Variants in PCLO observed in about 807,000 individuals in gnomAD.
PCLO encodes piccolo presynaptic cytomatrix protein.
In PCLO, 82 loss-of-function variants were observed where a neutral mutation model predicts 427.5. The observed-to-expected ratio is 0.19, with a 90% confidence interval of 0.16 to 0.23. The LOEUF is 0.23. Ranked by LOEUF, PCLO falls within the 10% of genes least tolerant of loss-of-function variation. The pLI, the probability that PCLO is intolerant of heterozygous loss-of-function variation, is 1.00. For synonymous variants in PCLO, 2,357 were observed against 2,155.4 expected, an observed-to-expected ratio of 1.09 and a Z score of -2.59; for missense variants, 6,239 against 6,115.9, an observed-to-expected ratio of 1.02 and a Z score of -0.67.
chr7:83,128,527 A>C (rs951883601), intron 3 of PCLO, among the ~76,000 whole-genome samples: 3 of 152,108 alleles, frequency 2.0e-5, no homozygotes, highest in Admixed American at 2.0e-4. Flanking sequence ...TTAGACTATT[A>C]ATTGATACAA....
chr7:83,005,179 A>C (rs952929010), intron 3 of PCLO, among the ~76,000 whole-genome samples: 2 of 151,664 alleles, frequency 1.3e-5, no homozygotes, highest in African/African-American at 4.8e-5. Context: ...AAATAAAATT[A>C]ATATGTCAAA....
intron 16 of PCLO, among the ~76,000 whole-genome samples, chr7:82,835,094 G>A (rs1362038066): frequency 1.3e-5 from 2 of 151,848 alleles, no homozygotes; most frequent in Non-Finnish European, 1.5e-5. Context: ...ATAGGTGTCC[G>A]CCACCATGCC....
intron 16 of PCLO, among the ~76,000 whole-genome samples, chr7:82,829,290 G>T (rs1397761361): frequency 2.6e-5 from 4 of 152,128 alleles, no homozygotes; most frequent in Non-Finnish European, 5.9e-5. Flanking sequence ...AGGTGGGTCA[G>T]TCAACCCTCC....
At chr7:83,156,618 A>C (rs1230531315) in intron 1 of PCLO, among the ~76,000 whole-genome samples, 2 of 151,690 alleles carry the variant, frequency 1.3e-5, no homozygotes, top group Non-Finnish European at 2.9e-5. Context: ...AAGAAAAAAA[A>C]ACTTGCTCTT....
intron 3 of PCLO, among the ~76,000 whole-genome samples, chr7:83,129,953 C>T (rs1404571281): frequency 1.3e-5 from 2 of 150,498 alleles, no homozygotes; most frequent in Middle Eastern, 6.7e-3. Flanking sequence ...CTAAATATTG[C>T]TCAATAAAAA....
rs6951364 is a variant in PCLO at position 82,959,414 on chromosome 7, C to G, written c.4018-2479G>C. Among the ~76,000 whole-genome samples, 745 of 152,142 alleles carry G rather than the reference C, an allele frequency of 4.9e-3. 13 individuals are homozygous for G. The highest frequency in any genetic ancestry group is 0.017 in the African/African-American group (717 of 41,498). Reference sequence around the variant, plus strand: ...CATATATTAAAATATGTAACAATGTCATAAAATATGCATATATGAAAGAAA... The same window carrying G: ...CATATATTAAAATATGTAACAATGTGATAAAATATGCATATATGAAAGAAA... On this transcript the variant is annotated intron_variant, in intron 4 of 24. Transcript: ENST00000333891.
chr7:82,868,720 C>T (rs1313908011), intron 10 of PCLO, among the ~76,000 whole-genome samples: 1 of 152,132 alleles, frequency 6.6e-6, no homozygotes, highest in South Asian at 2.1e-4. Flanking sequence ...CTGGTTTTAG[C>T]TTTGTGCTCT....
chr7:83,007,604 C>G (rs73161249), intron 3 of PCLO, among the ~76,000 whole-genome samples: 13,631 of 151,228 alleles, frequency 0.09, 783 homozygotes, highest in East Asian at 0.19. Context: ...TTCTTATTAA[C>G]TAGTGGAAAA....
Position 82,758,429 on chromosome 7 carries a change from T to C in PCLO, c.*146A>G, listed in dbSNP as rs528500916. ...TCTTTGTGTGATCCACAACAATAAATGTACAAGGTCTTAAGTATGTTTTTG... is the reference window on the plus strand; with the variant it reads ...TCTTTGTGTGATCCACAACAATAAACGTACAAGGTCTTAAGTATGTTTTTG... On this transcript the variant is annotated 3_prime_UTR_variant, in exon 25 of 25. Transcript: ENST00000333891. The C allele has an allele frequency of 1.8e-6, 1 of 564,240 alleles. No homozygotes were observed. Among genetic ancestry groups the C allele is most frequent in the South Asian group, 3.4e-5 (1 of 29,176 alleles). 35.0% of individuals were successfully genotyped at this position (564,240 alleles called of 1,614,324 possible). A position where few individuals can be genotyped will look rare whatever the true frequency, so the allele number is the denominator to read the frequency against.
intron 2 of PCLO, among the ~76,000 whole-genome samples, chr7:83,150,609 GTCCTTCCT>G (rs150134046): frequency 2.0e-5 from 3 of 151,560 alleles, no homozygotes; most frequent in South Asian, 2.1e-4. Context: ...TAATTATCTA[GTCCTTCCT>G]TCCTTCCTTC....
At chr7:83,122,274 TTC>T (rs1491014087) in intron 3 of PCLO, among the ~76,000 whole-genome samples, 5 of 127,990 alleles carry the variant, frequency 3.9e-5, no homozygotes, top group Non-Finnish European at 6.3e-5. Context: ...CCTTCTTTCT[TTC>T]TTTTCTTTTC....
At chr7:82,893,324 C>CA (rs1456147644) in intron 9 of PCLO, among the ~76,000 whole-genome samples, 3 of 151,660 alleles carry the variant, frequency 2.0e-5, no homozygotes, top group South Asian at 4.2e-4. Flanking sequence ...ATCGCAAGGA[C>CA]AAAAAACCAA....
intron 6 of PCLO, among the ~76,000 whole-genome samples, chr7:82,934,121 G>A (rs1351826156): frequency 6.6e-6 from 1 of 151,686 alleles, no homozygotes; most frequent in South Asian, 2.1e-4. Context: ...GATTTTTATG[G>A]GCAAAATTAT....
At chr7:83,125,706 C>T (rs1007408258) in intron 3 of PCLO, among the ~76,000 whole-genome samples, 10 of 152,032 alleles carry the variant, frequency 6.6e-5, no homozygotes, top group African/African-American at 1.4e-4. Flanking sequence ...TAAGAGTCAT[C>T]GCCACGCCCT....
At chr7:83,089,249 A>G (rs760341255) in intron 3 of PCLO, among the ~76,000 whole-genome samples, 21 of 152,152 alleles carry the variant, frequency 1.4e-4, no homozygotes, top group Non-Finnish European at 2.4e-4. Flanking sequence ...GTAAAAAAAA[A>G]TTAGAAGTGC....
At chr7:82,829,454 T>C (rs1286117282) in intron 16 of PCLO, among the ~76,000 whole-genome samples, 1 of 152,124 alleles carries the variant, frequency 6.6e-6, no homozygotes, top group Non-Finnish European at 1.5e-5. Flanking sequence ...TTCATAACAC[T>C]TCACAAGTCA....
At chr7:83,093,492 ATTT>A (rs1169852004) in intron 3 of PCLO, among the ~76,000 whole-genome samples, 3 of 59,322 alleles carry the variant, frequency 5.1e-5, no homozygotes, top group African/African-American at 1.6e-4. Context: ...ATATATATAT[ATTT>A]TTTTTTTTTT....
At chr7:83,063,392 T>C (rs921518088) in intron 3 of PCLO, among the ~76,000 whole-genome samples, 9 of 152,064 alleles carry the variant, frequency 5.9e-5, no homozygotes, top group African/African-American at 2.4e-5. Context: ...ACTTGTGATT[T>C]TTGACTTAAC....
intron 22 of PCLO, among the ~76,000 whole-genome samples, chr7:82,789,444 G>A (rs1562787046): frequency 6.6e-6 from 1 of 152,196 alleles, no homozygotes; most frequent in Non-Finnish European, 1.5e-5. Flanking sequence ...AGTGGCTCAT[G>A]CCTCTAATCC....
Sources: gnomAD v4.1 joint callset for allele counts (sites outside exome capture counted in the v4.1 genomes callset) on GRCh38, gnomAD v4.1.1 for gene constraint, MANE v1.5 for transcripts, NCBI Gene and HGNC (gene_info 2026-07-23, HGNC 2026-07-21) for gene names.